SCN1A: variants seen among roughly 807,000 people sequenced by gnomAD.
SCN1A encodes sodium voltage-gated channel alpha subunit 1.
Under a neutral mutation model 193.7 loss-of-function variants are expected in SCN1A, and 13 were observed. The ratio of observed to expected loss-of-function variants is 0.07; its 90% CI spans 0.04 to 0.11. SCN1A has a LOEUF of 0.11. SCN1A is among the 10% of genes least tolerant of loss of function. The probability of loss-of-function intolerance (pLI) is 1.00; values close to 1 mark genes in which losing one functional copy is unlikely to be tolerated. For synonymous variants in SCN1A, 781 were observed against 843.6 expected, an observed-to-expected ratio of 0.93 and a Z score of 1.29; for missense variants, 1,432 against 2,451.1, an observed-to-expected ratio of 0.58 and a Z score of 8.78.
intron 1 of SCN1A, among the ~76,000 whole-genome samples, chr2:166,141,654 A>G (rs575830669): frequency 4.9e-4 from 75 of 152,316 alleles, no homozygotes; most frequent in Non-Finnish European, 9.7e-4. Context: ...TTCTGTATAT[A>G]GATGGATATA....
chr2:166,002,889 G>T, intron 23 of SCN1A, 136 bp from the exon 24 acceptor site: 1 of 690,994 alleles, frequency 1.4e-6, no homozygotes, highest in Non-Finnish European at 2.2e-6. Flanking sequence ...GTAAAAGCAA[G>T]GTTCAAAAAA....
chr2:166,050,821 T>G (rs1167002507), intron 9 of SCN1A, among the ~76,000 whole-genome samples: 1 of 150,650 alleles, frequency 6.6e-6, no homozygotes, highest in Non-Finnish European at 1.5e-5. Context: ...TTAACTGTAA[T>G]TTTCTTCTTT....
In SCN1A at chr2:166,052,860, A is replaced by G. The variant is rs1267133824; in HGVS notation, c.686T>C (p.Val229Ala). Residue 229 changes from valine to alanine, a missense_variant, in exon 8 of 29, where the codon GTC (valine) becomes GCC (alanine). By Grantham distance (64) the Val-to-Ala change is moderately conservative. Transcript: ENST00000674923. The part of the protein sequence containing the change: ...RVLRALKTIS[V>A]IPGLKTIVGA... ...TCTAACCTTGCTCTCACCTGGAATGACTGAAATCGTCTTCAATGCTCGGAG... is the reference window on the plus strand; with the variant it reads ...TCTAACCTTGCTCTCACCTGGAATGGCTGAAATCGTCTTCAATGCTCGGAG... 2 of 1,611,886 alleles carry G rather than the reference A, an allele frequency of 1.2e-6. No homozygotes were observed. The highest frequency in any genetic ancestry group is 3.3e-5 in the Admixed American group (2 of 59,780).
intron 2 of SCN1A, among the ~76,000 whole-genome samples, chr2:166,105,873 T>C (rs551686532): frequency 1.7e-3 from 257 of 152,326 alleles, no homozygotes; most frequent in Non-Finnish European, 3.0e-3. Flanking sequence ...GCAACAGGTA[T>C]CAGTCTGGGA....
Position 165,998,297 on chromosome 2 carries a change from T to C in SCN1A, c.4339-122A>G, listed in dbSNP as rs970458337. 7 of 775,578 alleles carry C rather than the reference T, an allele frequency of 9.0e-6. No homozygotes were observed. In the African/African-American group the frequency reaches 1.1e-4, roughly 12 times the overall value. 48.0% of individuals were successfully genotyped at this position (775,578 alleles called of 1,614,324 possible). ...CTAATATGTCAGCATTTTTTTTTTTTCTGAATCAACTACCTCTAAAAAACA... is the reference window on the plus strand; with the variant it reads ...CTAATATGTCAGCATTTTTTTTTTTCCTGAATCAACTACCTCTAAAAAACA... On this transcript the variant is annotated intron_variant, in intron 25 of 28. Coordinates refer to ENST00000674923, the MANE Select transcript of SCN1A (RefSeq NM_001165963.4).
intron 2 of SCN1A, among the ~76,000 whole-genome samples, chr2:166,119,135 T>G (rs1027573479): frequency 2.0e-5 from 3 of 152,202 alleles, no homozygotes; most frequent in Non-Finnish European, 4.4e-5. Flanking sequence ...CCTCCTACTG[T>G]GCGACCCAGT....
At chr2:166,117,002 G>A (rs1689943927) in intron 2 of SCN1A, among the ~76,000 whole-genome samples, 2 of 152,158 alleles carry the variant, frequency 1.3e-5, no homozygotes, top group African/African-American at 4.8e-5. Context: ...TAAGTTTTGA[G>A]AAGCTGTTGA....
chr2:166,117,750 A>G (rs1435130187), intron 2 of SCN1A, among the ~76,000 whole-genome samples: 1 of 152,154 alleles, frequency 6.6e-6, no homozygotes, highest in East Asian at 1.9e-4. Context: ...TAATCCCAGC[A>G]CTTTGGGAGG....
intron 4 of SCN1A, chr2:166,071,802 A>C (rs2105973678): frequency 6.6e-6 from 1 of 152,114 alleles, no homozygotes; most frequent in Non-Finnish European, 1.5e-5. Context: ...AGGCAGGAGA[A>C]TGGCGTGAAC....
chr2:166,117,970 A>AG (rs1690056677), intron 2 of SCN1A, among the ~76,000 whole-genome samples: 2 of 149,214 alleles, frequency 1.3e-5, no homozygotes, highest in South Asian at 4.3e-4. Flanking sequence ...CTCAAAAAAA[A>AG]AAATTTTTTT....
intron 2 of SCN1A, among the ~76,000 whole-genome samples, chr2:166,110,188 T>A (rs933034498): frequency 1.3e-5 from 2 of 152,030 alleles, no homozygotes; most frequent in Non-Finnish European, 2.9e-5. Context: ...AATTTTTTTT[T>A]AATCCCTACA....
chr2:165,985,635 T>G (rs756125619), downstream of SCN1A: 10 of 152,134 alleles, frequency 6.6e-5, no homozygotes, highest in Non-Finnish European at 1.2e-4. Flanking sequence ...TTGCAAATTA[T>G]CCACTTGTGA....
intron 19 of SCN1A, among the ~76,000 whole-genome samples, chr2:166,026,918 C>T (rs180803043): frequency 7.9e-5 from 12 of 151,932 alleles, no homozygotes; most frequent in Non-Finnish European, 8.8e-5. Context: ...CTCCTGACCT[C>T]GTGATTCGCC....
chr2:166,093,527 C>A (rs1687052352), intron 2 of SCN1A, among the ~76,000 whole-genome samples: 1 of 151,938 alleles, frequency 6.6e-6, no homozygotes, highest in Non-Finnish European at 1.5e-5. Flanking sequence ...TTATTTTTAG[C>A]AGAGATGGGG....
chr2:166,101,579 C>G (rs1164846031), intron 2 of SCN1A, among the ~76,000 whole-genome samples: 1 of 150,878 alleles, frequency 6.6e-6, no homozygotes, highest in East Asian at 1.9e-4. Flanking sequence ...AAGTCACACA[C>G]ATACGACGTT....
intron 12 of SCN1A, among the ~76,000 whole-genome samples, chr2:166,046,131 A>G (rs993784027): frequency 2.0e-5 from 3 of 152,218 alleles, no homozygotes; most frequent in African/African-American, 7.2e-5. Context: ...AGTAAAGACA[A>G]TAAGTTTGTA....
At chr2:166,107,687 G>T (rs1469071410) in intron 2 of SCN1A, among the ~76,000 whole-genome samples, 1 of 152,044 alleles carries the variant, frequency 6.6e-6, no homozygotes, top group Non-Finnish European at 1.5e-5. Flanking sequence ...TCAGCTTTGG[G>T]TGCTAACATA....
chr2:166,087,914 G>C (rs914965517), intron 2 of SCN1A, among the ~76,000 whole-genome samples: 4 of 152,092 alleles, frequency 2.6e-5, no homozygotes, highest in Admixed American at 6.6e-5. Flanking sequence ...TAGTCTTCTT[G>C]GATCTTTACT....
Position 165,992,723 on chromosome 2 carries a change from A to G in SCN1A, c.4853-301T>C, listed in dbSNP as rs533117440. 1.6e-4 allele frequency: 27 copies of G among 165,704 alleles called. No homozygotes were observed. In the South Asian group the frequency reaches 3.5e-3, roughly 21 times the overall value. 10.3% of individuals were successfully genotyped at this position (165,704 alleles called of 1,614,324 possible). ...GAATTTAAAAAGAAAATAAGTTAAAAATGCACATTTGGCCGAACAGTAGCA... is the reference window on the plus strand; with the variant it reads ...GAATTTAAAAAGAAAATAAGTTAAAGATGCACATTTGGCCGAACAGTAGCA... On this transcript the variant is annotated intron_variant, in intron 28 of 28. Transcript: ENST00000674923. The surrounding 1 kb of genome is among the most constrained non-coding windows in gnomAD (Gnocchi z 6.5).
Sources: gnomAD v4.1 joint callset for allele counts (sites outside exome capture counted in the v4.1 genomes callset) on GRCh38, gnomAD v4.1.1 for gene constraint, Gnocchi (gnomAD v3.1) non-coding constraint, MANE v1.5 for transcripts, NCBI Gene and HGNC (gene_info 2026-07-23, HGNC 2026-07-21) for gene names.